RALYL: variants seen among roughly 807,000 people sequenced by gnomAD.
RALYL encodes the protein RALY RNA binding protein like, also known as RNA-binding Raly-like protein.
Under a neutral mutation model 35.1 loss-of-function variants are expected in RALYL, and 29 were observed. The ratio of observed to expected loss-of-function variants is 0.83; its 90% CI spans 0.61 to 1.13. RALYL has a LOEUF of 1.13. RALYL is among the 50% of genes most tolerant of loss of function. The probability of loss-of-function intolerance (pLI) is 0.00; values close to 1 mark genes in which losing one functional copy is unlikely to be tolerated. For missense variants in RALYL, 359 were observed against 360.4 expected (o/e 1.00, Z 0.03); for synonymous variants, 120 against 127.6 (o/e 0.94, Z 0.40).
At chr8:84,416,394 G>T (rs57193479) in intron 1 of RALYL, among the ~76,000 whole-genome samples, 4 of 152,156 alleles carry the variant, frequency 2.6e-5, no homozygotes, top group Non-Finnish European at 4.4e-5. Context: ...AGGCCCAGGG[G>T]CAGGTAAGGC....
chr8:84,465,169 T>G (rs1346053332), intron 1 of RALYL, among the ~76,000 whole-genome samples: 14 of 135,450 alleles, frequency 1.0e-4, no homozygotes, highest in South Asian at 8.1e-4. Context: ...GTCCATTTTG[T>G]CTTTTGTTGC....
At chr8:84,663,459 T>C (rs1422173136) in intron 2 of RALYL, among the ~76,000 whole-genome samples, 1 of 152,198 alleles carries the variant, frequency 6.6e-6, no homozygotes, top group African/African-American at 2.4e-5. Flanking sequence ...AGTGTTCCTT[T>C]TTCTCCACAA....
At chr8:84,647,494 T>G (rs1827743877) in intron 2 of RALYL, among the ~76,000 whole-genome samples, 1 of 152,100 alleles carries the variant, frequency 6.6e-6, no homozygotes, top group African/African-American at 2.4e-5. Context: ...ACACCTTGTG[T>G]TCTTTTCACA....
At chr8:84,916,597 T>C (rs559050019) in intron 8 of RALYL, among the ~76,000 whole-genome samples, 32 of 152,066 alleles carry the variant, frequency 2.1e-4, no homozygotes, top group South Asian at 4.1e-4. Context: ...TCCTCCTCCT[T>C]GCCTTCTGCC....
chr8:84,527,188 GGTAA>G (rs1348642122), intron 1 of RALYL, among the ~76,000 whole-genome samples: 21 of 152,148 alleles, frequency 1.4e-4, no homozygotes, highest in Admixed American at 1.4e-3. Flanking sequence ...TAGATTTTAA[GGTAA>G]GTAAGAGTTA....
chr8:84,837,553 T>C (rs1461402774), intron 4 of RALYL, among the ~76,000 whole-genome samples: 1 of 152,150 alleles, frequency 6.6e-6, no homozygotes, highest in East Asian at 1.9e-4. Flanking sequence ...TAGATAAAAT[T>C]GATTACGTAT....
intron 1 of RALYL, among the ~76,000 whole-genome samples, chr8:84,433,784 T>G (rs1394344642): frequency 6.6e-6 from 1 of 151,102 alleles, no homozygotes; most frequent in Non-Finnish European, 1.5e-5. Flanking sequence ...AGCATGATAA[T>G]GGACTAATAT....
At chr8:84,725,554 T>G (rs1298595014) in intron 2 of RALYL, among the ~76,000 whole-genome samples, 1 of 151,776 alleles carries the variant, frequency 6.6e-6, no homozygotes, top group African/African-American at 2.4e-5. Flanking sequence ...AAGAATGATG[T>G]TTTGTGAGCA....
chr8:84,592,399 T>G, intron 2 of RALYL, among the ~76,000 whole-genome samples: 1 of 152,158 alleles, frequency 6.6e-6, no homozygotes, highest in East Asian at 1.9e-4. Flanking sequence ...TTTCTTTCTT[T>G]TTTATTTTTG....
intron 1 of RALYL, among the ~76,000 whole-genome samples, chr8:84,386,886 A>G (rs1049339226): frequency 7.2e-5 from 11 of 151,806 alleles, no homozygotes; most frequent in African/African-American, 2.7e-4. Context: ...TTTCACCTCA[A>G]TAACTGACAC....
At chr8:84,457,421 A>G (rs940164894) in intron 1 of RALYL, among the ~76,000 whole-genome samples, 1 of 151,912 alleles carries the variant, frequency 6.6e-6, no homozygotes, top group Non-Finnish European at 1.5e-5. Flanking sequence ...ATTAACTTTA[A>G]TCATGTAGGC....
chr8:84,896,831 C>G (rs1198502985), intron 8 of RALYL, among the ~76,000 whole-genome samples: 1 of 152,120 alleles, frequency 6.6e-6, no homozygotes, highest in Non-Finnish European at 1.5e-5. Context: ...GCAATACAAC[C>G]TAGTGGTCTG....
chr8:84,253,328 T>A (rs1368757758), intron 1 of RALYL, among the ~76,000 whole-genome samples: 1 of 151,096 alleles, frequency 6.6e-6, no homozygotes, highest in Non-Finnish European at 1.5e-5. Flanking sequence ...TAGCTGAGAT[T>A]ATAGGTGTGT....
intron 2 of RALYL, among the ~76,000 whole-genome samples, chr8:84,622,758 T>A (rs1240136720): frequency 6.6e-6 from 1 of 152,138 alleles, no homozygotes; most frequent in African/African-American, 2.4e-5. Flanking sequence ...GGAAAGCCCA[T>A]GTAGAAAATA....
intron 2 of RALYL, among the ~76,000 whole-genome samples, chr8:84,722,617 T>TTATATATA (rs71823678): frequency 0.011 from 1,040 of 97,268 alleles, 9 homozygotes; most frequent in East Asian, 0.033. Context: ...TAGAGTGATT[T>TTATATATA]TATATATATA....
chr8:84,373,744 A>G (rs1268276810), intron 1 of RALYL, among the ~76,000 whole-genome samples: 1 of 151,928 alleles, frequency 6.6e-6, no homozygotes, highest in South Asian at 2.1e-4. Flanking sequence ...CTGTTTCTCT[A>G]GTTCTGTGAA....
At chr8:84,577,205 TCA>T (rs2135906149) in intron 2 of RALYL, among the ~76,000 whole-genome samples, 1 of 152,376 alleles carries the variant, frequency 6.6e-6, no homozygotes, top group African/African-American at 2.4e-5. Flanking sequence ...ACAGTCAATC[TCA>T]CAGTTTTTAG....
At chr8:84,288,513 A>C (rs1467065999) in intron 1 of RALYL, among the ~76,000 whole-genome samples, 2 of 146,664 alleles carry the variant, frequency 1.4e-5, no homozygotes, top group African/African-American at 2.4e-5. Context: ...TTCTGTGTGG[A>C]AAGTTTTTAA....
intron 1 of RALYL, among the ~76,000 whole-genome samples, chr8:84,514,396 G>A (rs746690818): frequency 2.6e-5 from 4 of 152,142 alleles, no homozygotes; most frequent in Non-Finnish European, 5.9e-5. Flanking sequence ...TTGAGATAGA[G>A]TAATATATAA....
Sources: gnomAD v4.1 joint callset for allele counts (sites outside exome capture counted in the v4.1 genomes callset) on GRCh38, gnomAD v4.1.1 for gene constraint, MANE v1.5 for transcripts, NCBI Gene and HGNC (gene_info 2026-07-23, HGNC 2026-07-21) for gene names.